STARD3: variants seen among roughly 807,000 people sequenced by gnomAD.
STARD3 encodes the protein stAR-related lipid transfer protein 3.
A neutral mutation model predicts 62.0 loss-of-function variants in STARD3; 39 were observed. The ratio of observed to expected loss-of-function variants is 0.63; its 90% CI spans 0.49 to 0.82. STARD3 has a LOEUF of 0.82. Ranked by LOEUF, STARD3 falls within the 40% of genes least tolerant of loss-of-function variation. The probability of loss-of-function intolerance (pLI) is 0.00; values close to 1 mark genes in which losing one functional copy is unlikely to be tolerated. For synonymous variants in STARD3, 229 were observed against 242.4 expected (o/e 0.94, Z 0.51); for missense variants, 543 against 584.5 (o/e 0.93, Z 0.73).
chr17:39,658,723 G>A lies in STARD3; in HGVS notation c.549G>A (p.Trp183Ter). Residue 183 changes from tryptophan to a stop codon, truncating the protein, a stop_gained and splice_region_variant, in exon 7 of 15, where the codon TGG becomes TGA. Coordinates refer to ENST00000336308, the MANE Select transcript of STARD3 (RefSeq NM_006804.4). LOFTEE classifies it high-confidence loss of function. ...VLPQEAEEER[W>*]YLAAQVAVAR... The stretch of plus-strand genomic sequence containing the variant: ...CCGGGACCGAGTCTGCTCCTCCAGG[G>A]TATCTTGCCGCCCAGGTTGCTGTTG... The A allele has an allele frequency of 6.2e-7, 1 of 1,613,954 alleles. No individual in the cohort carries two copies. The highest frequency in any genetic ancestry group is 8.5e-7 in the Non-Finnish European group (1 of 1,179,988).
At chr17:39,648,257 A>T (rs888566230) in intron 1 of STARD3, among the ~76,000 whole-genome samples, 1 of 152,186 alleles carries the variant, frequency 6.6e-6, no homozygotes, top group African/African-American at 2.4e-5. Context: ...ACTGCACTCC[A>T]GCCTGGGCGA....
At chr17:39,637,720 G>A (rs1179045868) in intron 1 of STARD3, among the ~76,000 whole-genome samples, 5 of 152,124 alleles carry the variant, frequency 3.3e-5, no homozygotes, top group African/African-American at 9.7e-5. Flanking sequence ...GAGGTGCATA[G>A]TACCATTGAC....
intron 3 of STARD3, 91 bp downstream of exon 3, chr17:39,657,176 C>A: frequency 7.9e-7 from 1 of 1,264,444 alleles, no homozygotes; most frequent in Non-Finnish European, 1.1e-6. Context: ...CAGCATATAT[C>A]CAGTCTGATC....
rs959770367 is a variant in STARD3, at chr17:39,637,251, C to T, written c.-52+20C>T. The T allele has an allele frequency of 6.6e-6, 1 of 152,318 alleles. No homozygotes were observed. Among genetic ancestry groups the T allele is most frequent in the African/African-American group, 2.4e-5 (1 of 41,442 alleles). The allele number at this position is 152,318 out of a possible 1,614,324, so 9.4% of individuals were successfully genotyped here. The stretch of plus-strand genomic sequence containing the variant: ...GAGCAGGTGGGTCCCGGAGCGGTCG[C>T]TGGGAGCGGGTGGCGTGCGAGGGCC... On this transcript the variant is annotated intron_variant, in intron 1 of 14. Transcript: ENST00000336308.
At chr17:39,653,157 T>C in intron 1 of STARD3, 1 of 301,760 alleles carries the variant, frequency 3.3e-6, no homozygotes, top group Non-Finnish European at 6.3e-6. Context: ...GGGCTAGGCC[T>C]GGTAGGAGCA....
Position 39,663,307 on chromosome 17 carries a change from G to C in STARD3, c.*399G>C. The C allele has an allele frequency of 2.6e-6, 1 of 382,104 alleles. No individual in the cohort carries two copies. Among genetic ancestry groups the C allele is most frequent in the Non-Finnish European group, 4.6e-6 (1 of 215,814 alleles). 23.7% of individuals were successfully genotyped at this position (382,104 alleles called of 1,614,324 possible). On this transcript the variant is annotated 3_prime_UTR_variant, in exon 15 of 15. Coordinates refer to ENST00000336308, the MANE Select transcript of STARD3 (RefSeq NM_006804.4). Reference sequence around the variant, plus strand: ...CTCTTCATCTGCCTGCGCTCTCGTCGGTTTTTTTAGGATTATTGAAAGAGT... The same window carrying C: ...CTCTTCATCTGCCTGCGCTCTCGTCCGTTTTTTTAGGATTATTGAAAGAGT...
In STARD3 at chr17:39,660,310, A is replaced by C. The variant is rs748597432; in HGVS notation, c.858+37A>C. 6.2e-7 allele frequency: 1 copy of C among 1,613,290 alleles called. No individual in the cohort carries two copies. Among genetic ancestry groups the C allele is most frequent in the Admixed American group, 1.7e-5 (1 of 59,992 alleles). Reference sequence around the variant, plus strand: ...GAGCGGGTGTCCTGGAGCCCCAGACAGCACAGGAGGCTCCAGGAAGGTGCC... The same window carrying C: ...GAGCGGGTGTCCTGGAGCCCCAGACCGCACAGGAGGCTCCAGGAAGGTGCC... On this transcript the variant is annotated intron_variant, in intron 10 of 14. Coordinates refer to ENST00000336308, the MANE Select transcript of STARD3 (RefSeq NM_006804.4). The surrounding 1 kb of genome is among the most constrained non-coding windows in gnomAD (Gnocchi z 4.8).
intron 13 of STARD3, among the ~76,000 whole-genome samples, chr17:39,661,474 G>A (rs148204884): frequency 1.3e-5 from 2 of 152,210 alleles, no homozygotes; most frequent in East Asian, 1.9e-4. Flanking sequence ...GTCCCCTTTC[G>A]TCCTCCTCAC....
Position 39,660,977 on chromosome 17 carries a change from G to C in STARD3, c.1035-4G>C, listed in dbSNP as rs192235744. The C allele has an allele frequency of 1.9e-5, 30 of 1,613,342 alleles. No homozygotes were observed. Among genetic ancestry groups the C allele is most frequent in the Non-Finnish European group, 2.3e-5 (27 of 1,179,898 alleles). On this transcript the variant is annotated splice_region_variant and splice_polypyrimidine_tract_variant and intron_variant, in intron 12 of 14. Coordinates refer to ENST00000336308, the MANE Select transcript of STARD3 (RefSeq NM_006804.4). This position sits in a 1 kb window ranked among gnomAD's most constrained non-coding sequence, Gnocchi z 4.8. ...GTCCCCTGAACTAACCCTCCCTCCC[G>C]CAGGGACTTCGTGAATGTCCGGCGC...
At position 39,658,709 on chromosome 17, in the gene STARD3, T is replaced by G. The variant is rs746344806; in HGVS notation, c.548-13T>G. On this transcript the variant is annotated splice_polypyrimidine_tract_variant and intron_variant, in intron 6 of 14. Coordinates refer to ENST00000336308, the MANE Select transcript of STARD3 (RefSeq NM_006804.4). ...TAACTGTCCTCGGTCCGGGACCGAG[T>G]CTGCTCCTCCAGGGTATCTTGCCGC... is the stretch of plus-strand genomic sequence containing the variant. 1 of 1,613,674 alleles carries G rather than the reference T, an allele frequency of 6.2e-7. No individual in the cohort carries two copies. Among genetic ancestry groups the G allele is most frequent in the Non-Finnish European group, 8.5e-7 (1 of 1,179,896 alleles).
At position 39,662,466 on chromosome 17, in the gene STARD3, C is replaced by T. The variant is rs921334878; in HGVS notation, c.1233+122C>T. The T allele has an allele frequency of 8.1e-6, 8 of 985,636 alleles. No individual in the cohort carries two copies. The African/African-American group carries it at 1.3e-4, about 16-fold the overall frequency. 61.1% of individuals were successfully genotyped at this position (985,636 alleles called of 1,614,324 possible). ...CCTGGGCCTCCCCTTTGTCAGCCAC[C>T]TTTCTTACTTGAAAATTTGGGTCAG... On this transcript the variant is annotated intron_variant, in intron 14 of 14. Transcript: ENST00000336308.
Position 39,659,329 on chromosome 17 carries a change from G to T in STARD3, c.703-132G>T, listed in dbSNP as rs1245844361. ...AAGCCTGCAGGGCCCAGGGAGACCAGCCCAGATCCCACATGTGGCTGGGCC... is the reference window on the plus strand; with the variant it reads ...AAGCCTGCAGGGCCCAGGGAGACCATCCCAGATCCCACATGTGGCTGGGCC... On this transcript the variant is annotated intron_variant, in intron 8 of 14. Transcript: ENST00000336308. 7 of 1,034,698 alleles carry T rather than the reference G, an allele frequency of 6.8e-6. 1 individual carries two copies. Among genetic ancestry groups the T allele is most frequent in the Non-Finnish European group, 9.9e-6 (7 of 704,538 alleles). 64.1% of individuals were successfully genotyped at this position (1,034,698 alleles called of 1,614,324 possible). A position where few individuals can be genotyped will look rare whatever the true frequency, so the allele number is the denominator to read the frequency against.
intron 3 of STARD3, among the ~76,000 whole-genome samples, 166 bp from the exon 4 acceptor site, chr17:39,657,609 G>A (rs1311470858): frequency 6.6e-6 from 1 of 152,070 alleles, no homozygotes; most frequent in African/African-American, 2.4e-5. Flanking sequence ...CCCTGTGCAA[G>A]GTTACATCCA....
chr17:39,659,295 A>T (rs1430340588), intron 8 of STARD3, among the ~76,000 whole-genome samples, 166 bp from the exon 9 acceptor site: 2 of 152,146 alleles, frequency 1.3e-5, no homozygotes, highest in African/African-American at 4.8e-5. Context: ...ACACAGGTGG[A>T]GCAGCCACAA....
rs56711937 is a variant in STARD3, at chr17:39,650,252, C to T, written c.-51-3229C>T. Reference sequence around the variant, plus strand: ...GTATCAGGAGATGGCAGTGTGAAGACGGACACATGGGAAGAGCACCATGTG... The same window carrying T: ...GTATCAGGAGATGGCAGTGTGAAGATGGACACATGGGAAGAGCACCATGTG... On this transcript the variant is annotated intron_variant, in intron 1 of 14. Transcript: ENST00000336308. 1.4e-3 allele frequency among the ~76,000 whole-genome samples: 216 copies of T among 152,250 alleles called. 3 individuals carry two copies. Among genetic ancestry groups the T allele is most frequent in the Admixed American group, 7.8e-4 (12 of 15,296 alleles).
chr17:39,655,203 T>A (rs903662356), intron 2 of STARD3, among the ~76,000 whole-genome samples: 2 of 152,258 alleles, frequency 1.3e-5, no homozygotes, highest in African/African-American at 4.8e-5. Flanking sequence ...TGTTTTGTTT[T>A]GAGACAGGGT....
intron 1 of STARD3, among the ~76,000 whole-genome samples, chr17:39,639,110 AAAAT>A (rs1473655556): frequency 1.3e-5 from 2 of 152,220 alleles, no homozygotes; most frequent in Non-Finnish European, 2.9e-5. Flanking sequence ...TCCTGTTTCT[AAAAT>A]AAATAAATAA....
At chr17:39,644,343 G>A (rs556860096) in intron 1 of STARD3, among the ~76,000 whole-genome samples, 1 of 152,294 alleles carries the variant, frequency 6.6e-6, no homozygotes, top group South Asian at 2.1e-4. Flanking sequence ...CAGGAGACTC[G>A]AAGTGGTGGT....
intron 1 of STARD3, among the ~76,000 whole-genome samples, chr17:39,641,480 G>T (rs1265897677): frequency 6.6e-6 from 1 of 151,976 alleles, no homozygotes; most frequent in Non-Finnish European, 1.5e-5. Context: ...TGTCATTCTG[G>T]GTCAGCCCCC....
Sources: gnomAD v4.1 joint callset for allele counts (sites outside exome capture counted in the v4.1 genomes callset) on GRCh38, gnomAD v4.1.1 for gene constraint, Gnocchi (gnomAD v3.1) non-coding constraint, MANE v1.5 for transcripts, NCBI Gene and HGNC (gene_info 2026-07-23, HGNC 2026-07-21) for gene names.